Variants in FRMD8 observed in about 807,000 individuals in gnomAD.
The protein encoded by FRMD8 is FERM domain-containing protein 8.
FRMD8 carries 37 observed loss-of-function variants against 54.2 expected under a neutral mutation model. That is an observed-to-expected ratio of 0.68 (90% CI 0.53 to 0.90). The LOEUF (loss-of-function observed/expected upper bound fraction) is 0.90, where lower values mean the gene tolerates loss of function less well. Ranked by LOEUF, FRMD8 falls within the 40% of genes least tolerant of loss-of-function variation. The pLI is 0.00. For missense variants in FRMD8, 585 were observed against 653.7 expected (o/e 0.89, Z 1.15); for synonymous variants, 246 against 286.9 (o/e 0.86, Z 1.44).
At chr11:65,388,614 G>A (rs894838632) in intron 2 of FRMD8, among the ~76,000 whole-genome samples, 1 of 152,180 alleles carries the variant, frequency 6.6e-6, no homozygotes, top group African/African-American at 2.4e-5. Context: ...ATGGGGATTT[G>A]AATCTGGTTG....
chr11:65,394,455 C>T (rs761461220), intron 6 of FRMD8, 30 bp downstream of exon 6: 9 of 1,544,360 alleles, frequency 5.8e-6, no homozygotes, highest in Admixed American at 1.9e-5. Flanking sequence ...GAGGCGGGGG[C>T]GCTGGGTGGG....
intron 2 of FRMD8, among the ~76,000 whole-genome samples, chr11:65,388,913 C>A (rs996181306): frequency 1.4e-4 from 22 of 152,206 alleles, no homozygotes; most frequent in Admixed American, 1.3e-3. Context: ...ACTGCCATAG[C>A]CTCAGGATGG....
At chr11:65,375,011 A>G in the FRMD8 span, among the ~76,000 whole-genome samples, 4 of 152,288 alleles carry the variant, frequency 2.6e-5, no homozygotes, top group South Asian at 8.3e-4. Flanking sequence ...AACAAGCACC[A>G]TTGGCTGGGA....
Position 65,397,028 on chromosome 11 carries a change from C to A in FRMD8, c.803+8C>A. 2.1e-6 allele frequency: 3 copies of A among 1,419,844 alleles called. No homozygotes were observed. Among genetic ancestry groups the A allele is most frequent in the Non-Finnish European group, 2.8e-6 (3 of 1,071,970 alleles). 88.0% of individuals were successfully genotyped at this position (1,419,844 alleles called of 1,614,324 possible). On this transcript the variant is annotated splice_region_variant and intron_variant, in intron 7 of 10. Transcript: ENST00000317568. The stretch of plus-strand genomic sequence containing the variant: ...CGAGCTGCCGTTTTATGGGTAAGAG[C>A]CACAGCCCCGCGGTCCCCCACCCCC...
At position 65,393,564 on chromosome 11, in the gene FRMD8, G is replaced by A. The variant is rs551595791; in HGVS notation, c.254-9G>A. The A allele has an allele frequency of 8.2e-5, 132 of 1,605,684 alleles. No individual in the cohort carries two copies. The highest frequency in any genetic ancestry group is 4.0e-5 in the African/African-American group (3 of 75,040). ...GGCTGCATGGGCCACTCCCCATCTC[G>A]TCCTGCAGAGGTGCAGCTGAAACCC... On this transcript the variant is annotated splice_polypyrimidine_tract_variant and intron_variant, in intron 3 of 10. Transcript: ENST00000317568.
At chr11:65,380,117 C>T in the FRMD8 span, 1 of 1,612,208 alleles carries the variant, frequency 6.2e-7, no homozygotes, top group African/African-American at 1.3e-5. Context: ...CCTCTGGCAG[C>T]TCTCCTAAAC....
chr11:65,389,614 C>T, intron 3 of FRMD8, 86 bp downstream of exon 3: 1 of 1,386,296 alleles, frequency 7.2e-7, no homozygotes, highest in Non-Finnish European at 9.7e-7. Flanking sequence ...TTTGGAGCCG[C>T]TGGGGAGCCG....
chr11:65,377,259 G>A, the FRMD8 span: 8 of 1,423,190 alleles, frequency 5.6e-6, no homozygotes, highest in African/African-American at 1.4e-5. Context: ...CATGCGACCG[G>A]GACAGGCCAC....
chr11:65,409,251 C>T (rs147754350), intron 10 of FRMD8, among the ~76,000 whole-genome samples: 2 of 151,864 alleles, frequency 1.3e-5, no homozygotes, highest in African/African-American at 2.4e-5. Context: ...CATGCCCGAT[C>T]AATTTTTGTA....
At chr11:65,392,615 G>A (rs1297140463) in intron 3 of FRMD8, among the ~76,000 whole-genome samples, 1 of 152,180 alleles carries the variant, frequency 6.6e-6, no homozygotes, top group Non-Finnish European at 1.5e-5. Flanking sequence ...TGGTGGCATG[G>A]GGCAGCCTGG....
Position 65,400,879 on chromosome 11 carries a change from G to A in FRMD8, c.1071+12G>A. On this transcript the variant is annotated intron_variant, in intron 9 of 10. Coordinates refer to ENST00000317568, the MANE Select transcript of FRMD8 (RefSeq NM_031904.5). This position sits in a 1 kb window ranked among gnomAD's most constrained non-coding sequence, Gnocchi z 4.3. ...TCTACTCCAAGCAGGTAGCGCGGGT[G>A]GTGCCTGCACACGGGTGGGGAGGCT... The A allele has an allele frequency of 8.8e-6, 14 of 1,592,208 alleles. No individual in the cohort carries two copies. The highest frequency in any genetic ancestry group is 9.4e-6 in the Non-Finnish European group (11 of 1,167,940).
rs1856330870 is a variant in FRMD8 at position 65,411,454 on chromosome 11, T to TCAC, written c.*98_*100dup. ...GCGCCGGCTGCAACAGTCTCATGGG[T>TCAC]CACCACGTGGGGAGGGCTGCCTCAG... On this transcript the variant is annotated 3_prime_UTR_variant, in exon 11 of 11. Coordinates refer to ENST00000317568, the MANE Select transcript of FRMD8 (RefSeq NM_031904.5). The TCAC allele has an allele frequency of 2.6e-6, 2 of 777,546 alleles. No individual in the cohort carries two copies. The highest frequency in any genetic ancestry group is 6.6e-5 in the Admixed American group (2 of 30,378). 48.2% of individuals were successfully genotyped at this position (777,546 alleles called of 1,614,324 possible).
upstream of FRMD8, among the ~76,000 whole-genome samples, chr11:65,385,682 C>A (rs1433452208): frequency 1.3e-5 from 2 of 152,158 alleles, no homozygotes. Flanking sequence ...CTCCTCCCAG[C>A]CTGGGAAAAC....
At chr11:65,408,970 G>T (rs1385844210) in intron 10 of FRMD8, among the ~76,000 whole-genome samples, 1 of 152,002 alleles carries the variant, frequency 6.6e-6, no homozygotes, top group Non-Finnish European at 1.5e-5. Flanking sequence ...TTGTGCCCAG[G>T]TGTACCCTCC....
At chr11:65,376,872 A>C in the FRMD8 span, 1 of 1,614,180 alleles carries the variant, frequency 6.2e-7, no homozygotes, top group Non-Finnish European at 8.5e-7. Flanking sequence ...TAGGTGATGA[A>C]GTAGATCCCC....
At chr11:65,386,042 CG>C (rs1855723886), upstream of FRMD8, among the ~76,000 whole-genome samples, 1 of 151,968 alleles carries the variant, frequency 6.6e-6, no homozygotes, top group African/African-American at 2.4e-5. Context: ...GTGATCCGCC[CG>C]CCTCGGCCTC....
intron 10 of FRMD8, among the ~76,000 whole-genome samples, chr11:65,406,351 C>T (rs1286537781): frequency 1.3e-5 from 2 of 151,976 alleles, no homozygotes; most frequent in East Asian, 1.9e-4. Flanking sequence ...CCCACCACCA[C>T]GCCCGGCTAC....
intron 9 of FRMD8, among the ~76,000 whole-genome samples, chr11:65,402,782 A>G (rs1323249370): frequency 1.3e-5 from 2 of 151,728 alleles, no homozygotes; most frequent in Non-Finnish European, 2.9e-5. Flanking sequence ...TCAGCATACA[A>G]AACTTCTGCA....
intron 10 of FRMD8, among the ~76,000 whole-genome samples, chr11:65,408,681 A>G (rs1430598991): frequency 6.6e-6 from 1 of 151,206 alleles, no homozygotes; most frequent in Non-Finnish European, 1.5e-5. Context: ...GGCCTAGTCA[A>G]GGCTCACTGC....
Sources: gnomAD v4.1 joint callset for allele counts (sites outside exome capture counted in the v4.1 genomes callset) on GRCh38, gnomAD v4.1.1 for gene constraint, Gnocchi (gnomAD v3.1) non-coding constraint, MANE v1.5 for transcripts, NCBI Gene and HGNC (gene_info 2026-07-23, HGNC 2026-07-21) for gene names.